JAZF1: variants seen among roughly 807,000 people sequenced by gnomAD.
JAZF1 encodes the protein JAZF zinc finger 1.
In JAZF1, 8 loss-of-function variants were observed where a neutral mutation model predicts 26.4. That is an observed-to-expected ratio of 0.30 (90% CI 0.18 to 0.55). JAZF1 has a LOEUF of 0.55. Among genes scored for constraint, JAZF1 ranks in the 20% least tolerant of loss-of-function variants. JAZF1 has a pLI of 0.94. For synonymous variants in JAZF1, 126 were observed against 122.3 expected (o/e 1.03, Z -0.20); for missense variants, 199 against 322.0 (o/e 0.62, Z 2.92).
At chr7:27,943,495 T>C (rs959414733) in intron 2 of JAZF1, among the ~76,000 whole-genome samples, 2 of 152,186 alleles carry the variant, frequency 1.3e-5, no homozygotes, top group African/African-American at 4.8e-5. Context: ...CCGTCTGAAA[T>C]AACGTGCTCC....
chr7:28,095,949 C>T (rs1468823263), intron 1 of JAZF1, among the ~76,000 whole-genome samples: 1 of 152,228 alleles, frequency 6.6e-6, no homozygotes, highest in African/African-American at 2.4e-5. Context: ...TCCTCCTCTT[C>T]TTATACTAGC....
intron 1 of JAZF1, among the ~76,000 whole-genome samples, chr7:28,092,854 C>T (rs1387028346): frequency 6.7e-6 from 1 of 148,678 alleles, no homozygotes; most frequent in Non-Finnish European, 1.5e-5. Context: ...GAGTGAGGCC[C>T]TGTTTCGAAA....
At chr7:27,984,944 A>C (rs1043908857) in intron 2 of JAZF1, among the ~76,000 whole-genome samples, 10 of 152,238 alleles carry the variant, frequency 6.6e-5, no homozygotes, top group African/African-American at 2.4e-4. Flanking sequence ...TCTGGGATAC[A>C]TTTAAAGCAG....
chr7:27,860,484 A>G (rs1025232680), intron 3 of JAZF1, among the ~76,000 whole-genome samples: 3 of 152,080 alleles, frequency 2.0e-5, no homozygotes, highest in African/African-American at 7.2e-5. Context: ...GATCTTTCTC[A>G]TCTTCATCCT....
At chr7:27,961,746 T>C (rs1191058967) in intron 2 of JAZF1, among the ~76,000 whole-genome samples, 1 of 152,180 alleles carries the variant, frequency 6.6e-6, no homozygotes, top group East Asian at 1.9e-4. Context: ...AAGGAAACAT[T>C]GTCATTTAAA....
At chr7:28,011,850 T>C (rs1202766353) in intron 1 of JAZF1, among the ~76,000 whole-genome samples, 2 of 152,308 alleles carry the variant, frequency 1.3e-5, no homozygotes, top group South Asian at 4.1e-4. Flanking sequence ...CGACCATATA[T>C]TGCCTAGATG....
At chr7:27,872,225 C>A (rs910671684) in intron 3 of JAZF1, among the ~76,000 whole-genome samples, 9 of 152,170 alleles carry the variant, frequency 5.9e-5, no homozygotes, top group Admixed American at 3.3e-4. Context: ...TATTCTTACA[C>A]AAGATTTCTC....
intron 1 of JAZF1, among the ~76,000 whole-genome samples, chr7:28,007,891 T>C (rs1176261558): frequency 6.6e-6 from 1 of 152,166 alleles, no homozygotes; most frequent in Non-Finnish European, 1.5e-5. Flanking sequence ...CCACTAGAGT[T>C]CTTTTTTTTC....
chr7:27,893,313 G>A (rs1017928071), intron 3 of JAZF1, among the ~76,000 whole-genome samples: 8 of 152,206 alleles, frequency 5.3e-5, no homozygotes, highest in Admixed American at 1.3e-4. Context: ...AGAGAAATAC[G>A]TAAACTGTCA....
chr7:27,904,272 A>G (rs998569396), intron 2 of JAZF1, among the ~76,000 whole-genome samples: 10 of 152,210 alleles, frequency 6.6e-5, no homozygotes, highest in Non-Finnish European at 1.0e-4. Context: ...CTAGGTCTCA[A>G]TGTAATGATG....
intron 2 of JAZF1, among the ~76,000 whole-genome samples, chr7:27,950,774 G>A (rs1156300702): frequency 6.6e-6 from 1 of 152,038 alleles, no homozygotes; most frequent in Non-Finnish European, 1.5e-5. Context: ...TACTACATAA[G>A]ACTACATCGA....
At chr7:27,847,253 G>T (rs563662722) in intron 3 of JAZF1, among the ~76,000 whole-genome samples, 1 of 151,098 alleles carries the variant, frequency 6.6e-6, no homozygotes, top group South Asian at 2.1e-4. Flanking sequence ...GCATCCCACA[G>T]TGCTGGGATT....
intron 2 of JAZF1, among the ~76,000 whole-genome samples, chr7:27,963,566 C>A (rs931078052): frequency 9.4e-6 from 1 of 106,938 alleles, no homozygotes; most frequent in East Asian, 2.8e-4. Flanking sequence ...ATTCCCCCCC[C>A]CCCTTTTTTT....
Position 28,148,686 on chromosome 7 carries a change from C to T in JAZF1, c.115+31777G>A, listed in dbSNP as rs111698471. Among the ~76,000 whole-genome samples, 114 of 152,276 alleles carry T rather than the reference C, an allele frequency of 7.5e-4. 1 individual carries two copies. Among genetic ancestry groups the T allele is most frequent in the Middle Eastern group, 3.4e-3 (1 of 294 alleles). On this transcript the variant is annotated intron_variant, in intron 1 of 4. Transcript: ENST00000283928. Reference sequence around the variant, plus strand: ...TATTCATTTATTTGAAACACATTTACCAAGTTCCTTCTTAAGGTTAGAGAT... The same window carrying T: ...TATTCATTTATTTGAAACACATTTATCAAGTTCCTTCTTAAGGTTAGAGAT...
At chr7:27,838,569 T>G (rs1040795440) in intron 4 of JAZF1, among the ~76,000 whole-genome samples, 1 of 152,206 alleles carries the variant, frequency 6.6e-6, no homozygotes, top group Non-Finnish European at 1.5e-5. Context: ...GTAGCACTTC[T>G]GGATTCTGCC....
intron 3 of JAZF1, among the ~76,000 whole-genome samples, chr7:27,865,083 C>T (rs565946345): frequency 1.1e-3 from 170 of 152,256 alleles, no homozygotes; most frequent in African/African-American, 3.8e-3. Context: ...AAGGTGTGTT[C>T]ATGGGCTGGG....
chr7:27,879,063 T>C (rs1034251492), intron 3 of JAZF1, among the ~76,000 whole-genome samples: 1 of 152,218 alleles, frequency 6.6e-6, no homozygotes, highest in African/African-American at 2.4e-5. Context: ...CCAGAGATCT[T>C]AACACAGAAC....
At chr7:27,901,233 A>C (rs1335600024) in intron 2 of JAZF1, among the ~76,000 whole-genome samples, 2 of 152,246 alleles carry the variant, frequency 1.3e-5, no homozygotes, top group Non-Finnish European at 2.9e-5. Flanking sequence ...TGTCTAAGTT[A>C]CTTTAATTTA....
intron 2 of JAZF1, among the ~76,000 whole-genome samples, chr7:27,983,132 G>C (rs1328773899): frequency 6.6e-6 from 1 of 152,016 alleles, no homozygotes; most frequent in Admixed American, 6.6e-5. Context: ...TCAGATGACC[G>C]GTAATAACAA....
Sources: allele counts gnomAD v4.1 joint callset (sites outside exome capture counted in the v4.1 genomes callset), GRCh38; gene constraint gnomAD v4.1.1; transcripts MANE v1.5; gene names NCBI Gene and HGNC (gene_info 2026-07-23, HGNC 2026-07-21).